DCUN1D4: variants seen among roughly 807,000 people sequenced by gnomAD.
The protein encoded by DCUN1D4 is DCN1-like protein 4.
A neutral mutation model predicts 47.9 loss-of-function variants in DCUN1D4; 22 were observed. That is an observed-to-expected ratio of 0.46 (90% confidence interval 0.33 to 0.66). DCUN1D4 has a LOEUF of 0.66. Among genes scored for constraint, DCUN1D4 ranks in the 30% least tolerant of loss-of-function variants. The probability of loss-of-function intolerance (pLI) is 0.02; values close to 1 mark genes in which losing one functional copy is unlikely to be tolerated. For synonymous variants in DCUN1D4, 121 were observed against 112.2 expected, an observed-to-expected ratio of 1.08 and a Z score of -0.50; for missense variants, 301 against 340.8, an observed-to-expected ratio of 0.88 and a Z score of 0.92.
chr4:51,890,457 C>G (rs571624801), intron 6 of DCUN1D4, among the ~76,000 whole-genome samples: 1 of 152,278 alleles, frequency 6.6e-6, no homozygotes, highest in Non-Finnish European at 1.5e-5. Context: ...ATGTGTTTAT[C>G]TACCTATTGC....
At chr4:51,843,449 G>A in intron 1 of DCUN1D4, 182 bp downstream of exon 1, 1 of 1,244,960 alleles carries the variant, frequency 8.0e-7, no homozygotes, top group Non-Finnish European at 1.0e-6. Flanking sequence ...GCGTGGGGCG[G>A]GGGCGGGCGT....
intron 1 of DCUN1D4, among the ~76,000 whole-genome samples, chr4:51,855,564 G>A (rs1402577936): frequency 2.0e-5 from 3 of 152,316 alleles, no homozygotes; most frequent in Non-Finnish European, 4.4e-5. Context: ...GGGTCATGGA[G>A]GCTGAGGGGC....
chr4:51,855,548 C>T (rs1039784838), intron 1 of DCUN1D4, among the ~76,000 whole-genome samples: 7 of 152,074 alleles, frequency 4.6e-5, no homozygotes, highest in East Asian at 3.9e-4. Flanking sequence ...GGCCTGTGAA[C>T]GTCAAGGGTC....
chr4:51,885,577 G>A (rs1314013319), intron 5 of DCUN1D4, among the ~76,000 whole-genome samples: 2 of 152,308 alleles, frequency 1.3e-5, no homozygotes, highest in Middle Eastern at 3.4e-3. Context: ...ACAGGAGGTG[G>A]AGCAGCTAGT....
intron 1 of DCUN1D4, among the ~76,000 whole-genome samples, chr4:51,863,096 A>G (rs996843105): frequency 3.3e-5 from 5 of 152,196 alleles, no homozygotes; most frequent in African/African-American, 1.2e-4. Flanking sequence ...TTGTACCAGT[A>G]ATTCTAGGGA....
At chr4:51,891,909 C>T in intron 7 of DCUN1D4, 58 bp downstream of exon 7, 1 of 1,332,934 alleles carries the variant, frequency 7.5e-7, no homozygotes, top group Non-Finnish European at 1.1e-6. Context: ...TTGCCTCCTT[C>T]CTCCCTAGGA....
intron 3 of DCUN1D4, among the ~76,000 whole-genome samples, chr4:51,873,940 G>T (rs1486692005): frequency 6.6e-6 from 1 of 152,170 alleles, no homozygotes; most frequent in Non-Finnish European, 1.5e-5. Flanking sequence ...GCACTGCAGT[G>T]CATTTTGAGA....
chr4:51,837,392 G>T, the DCUN1D4 span, among the ~76,000 whole-genome samples: 1 of 152,182 alleles, frequency 6.6e-6, no homozygotes, highest in African/African-American at 2.4e-5. Flanking sequence ...CTTAGGCCGG[G>T]CGCGGTGGCT....
At chr4:51,884,479 A>G (rs1299547446) in intron 5 of DCUN1D4, 3 of 152,268 alleles carry the variant, frequency 2.0e-5, no homozygotes, top group Non-Finnish European at 2.9e-5. Flanking sequence ...ATACATACTA[A>G]GAAGGTGAAT....
At chr4:51,875,016 G>A (rs765228171) in intron 4 of DCUN1D4, 1 of 152,188 alleles carries the variant, frequency 6.6e-6, no homozygotes, top group African/African-American at 2.4e-5. Context: ...GAACATCATT[G>A]TCTAGTCTTT....
chr4:51,888,990 T>A (rs1729996281), intron 6 of DCUN1D4, among the ~76,000 whole-genome samples: 1 of 150,692 alleles, frequency 6.6e-6, no homozygotes, highest in African/African-American at 2.4e-5. Context: ...GCGCTAGTAA[T>A]CCCAGCTACT....
chr4:51,850,569 C>G (rs1344540308), intron 1 of DCUN1D4, among the ~76,000 whole-genome samples: 1 of 152,196 alleles, frequency 6.6e-6, no homozygotes, highest in Non-Finnish European at 1.5e-5. Context: ...GAAGGCTGTT[C>G]AGTCACCAAG....
chr4:51,836,778 T>G, the DCUN1D4 span, among the ~76,000 whole-genome samples: 1 of 152,182 alleles, frequency 6.6e-6, no homozygotes. Flanking sequence ...TTCCTATTGC[T>G]GTCTGCCTTC....
upstream of DCUN1D4, among the ~76,000 whole-genome samples, chr4:51,841,226 A>G (rs544858361): frequency 2.2e-4 from 33 of 152,268 alleles, 1 homozygote; most frequent in South Asian, 6.6e-3. Flanking sequence ...TCTTTGAAGT[A>G]CCATGGTAAA....
At chr4:51,902,607 T>A (rs181894742) in intron 8 of DCUN1D4, among the ~76,000 whole-genome samples, 1 of 152,328 alleles carries the variant, frequency 6.6e-6, no homozygotes, top group African/African-American at 2.4e-5. Context: ...CTTTTTTAAA[T>A]CTTTTACTTT....
At chr4:51,872,205 G>GT (rs981001622) in intron 3 of DCUN1D4, among the ~76,000 whole-genome samples, 1 of 152,180 alleles carries the variant, frequency 6.6e-6, no homozygotes, top group African/African-American at 2.4e-5. Context: ...CTTTGAACTG[G>GT]TATGTTGCTG....
At chr4:51,844,764 T>TCCGA (rs1319267288) in intron 1 of DCUN1D4, 5 of 924,528 alleles carry the variant, frequency 5.4e-6, no homozygotes, top group Non-Finnish European at 6.5e-6. Flanking sequence ...GGAAAGGCGG[T>TCCGA]CCCGCCGAAT....
chr4:51,866,390 A>G (rs910798623), intron 3 of DCUN1D4, among the ~76,000 whole-genome samples: 23 of 118,738 alleles, frequency 1.9e-4, no homozygotes, highest in African/African-American at 1.1e-3. Context: ...GATGATGATG[A>G]TGATGATGAT....
intron 1 of DCUN1D4, among the ~76,000 whole-genome samples, chr4:51,854,251 A>G (rs1312157425): frequency 6.6e-6 from 1 of 152,236 alleles, no homozygotes; most frequent in African/African-American, 2.4e-5. Flanking sequence ...ATTGTAAATC[A>G]TTTAAAACAC....
Sources: allele counts gnomAD v4.1 joint callset (sites outside exome capture counted in the v4.1 genomes callset), GRCh38; gene constraint gnomAD v4.1.1; transcripts MANE v1.5; gene names NCBI Gene and HGNC (gene_info 2026-07-23, HGNC 2026-07-21).